The following SHPRH variants were observed in gnomAD, a reference collection of about 807,000 sequenced individuals.
The protein encoded by SHPRH is E3 ubiquitin-protein ligase SHPRH.
SHPRH carries 106 observed loss-of-function variants against 202.5 expected under a neutral mutation model. The ratio of observed to expected loss-of-function variants is 0.52; its 90% CI spans 0.45 to 0.62. The LOEUF is 0.62. Among genes scored for constraint, SHPRH ranks in the 20% least tolerant of loss-of-function variants. SHPRH has a pLI of 0.00. For synonymous variants in SHPRH, 729 were observed against 686.0 expected (o/e 1.06, Z -0.98); for missense variants, 1,710 against 2,020.0 (o/e 0.85, Z 2.94).
At chr6:145,908,639 G>A (rs935455361) in intron 25 of SHPRH, 1 of 151,936 alleles carries the variant, frequency 6.6e-6, no homozygotes, top group Non-Finnish European at 1.5e-5. Context: ...CACATTCCTT[G>A]TAAATTCTGG....
chr6:145,872,207 A>G (rs919376215), intron 2 of SHPRH, among the ~76,000 whole-genome samples: 5 of 152,336 alleles, frequency 3.3e-5, no homozygotes, highest in Middle Eastern at 3.4e-3. Context: ...GGTCTAATTA[A>G]ACTAAAGAGC....
chr6:145,950,391 C>T lies in SHPRH; in HGVS notation c.855G>A (p.Gln285=). 2 of 1,613,322 alleles carry T rather than the reference C, an allele frequency of 1.2e-6. No individual in the cohort carries two copies. The highest frequency in any genetic ancestry group is 2.2e-5 in the South Asian group (2 of 91,068). The part of the protein sequence containing the change: ...ELYHFVKQTH[Q]QETQSIQVDV... ...CCACTTGGATGGACTGCGTTTCTTG[C>T]TGATGTGTTTGTTTCACAAAGTGAT... Residue 285 remains glutamine (Q), a synonymous_variant, in exon 4 of 30, where the codon CAG becomes CAA. Transcript: ENST00000275233.
At chr6:145,949,776 C>T (rs896183093) in intron 4 of SHPRH, among the ~76,000 whole-genome samples, 1 of 152,042 alleles carries the variant, frequency 6.6e-6, no homozygotes, top group African/African-American at 2.4e-5. Flanking sequence ...AAAACTACTA[C>T]TTTCATAAAA....
At chr6:145,923,919 G>C (rs542395452) in intron 17 of SHPRH, 134 bp from the exon 18 acceptor site, 1 of 820,164 alleles carries the variant, frequency 1.2e-6, no homozygotes, top group Non-Finnish European at 1.8e-6. Context: ...TCACAGAGGG[G>C]AGACGAGTAT....
chr6:145,873,713 A>AAGGGAGGGAGGGAGGG (rs1200242419), intron 2 of SHPRH, among the ~76,000 whole-genome samples: 1 of 87,982 alleles, frequency 1.1e-5, no homozygotes, highest in Non-Finnish European at 2.2e-5. Flanking sequence ...GGAAGGAAGG[A>AAGGGAGGGAGGGAGGG]AGGGAGGGAG....
intron 14 of SHPRH, among the ~76,000 whole-genome samples, chr6:145,928,348 TAAAGTAAAA>T (rs533258659): frequency 4.6e-5 from 7 of 152,074 alleles, no homozygotes; most frequent in African/African-American, 9.6e-5. Context: ...TAAATACTAT[TAAAGTAAAA>T]ACCTAACACT....
intron 25 of SHPRH, among the ~76,000 whole-genome samples, chr6:145,896,978 C>A (rs1363903444): frequency 6.6e-6 from 1 of 151,502 alleles, no homozygotes; most frequent in Non-Finnish European, 1.5e-5. Flanking sequence ...TAATGTTGCA[C>A]CACAAGGAAC....
At chr6:145,933,006 C>A in intron 14 of SHPRH, 51 bp downstream of exon 14, 1 of 1,561,200 alleles carries the variant, frequency 6.4e-7, no homozygotes, top group Non-Finnish European at 8.7e-7. Context: ...TATAATTAAC[C>A]TTCCTCAGGA....
chr6:145,925,286 T>A (rs1784762572), intron 16 of SHPRH, among the ~76,000 whole-genome samples: 1 of 151,292 alleles, frequency 6.6e-6, no homozygotes, highest in Non-Finnish European at 1.5e-5. Flanking sequence ...TGAATTTTGT[T>A]TCCCCAAAAT....
At chr6:145,926,143 A>T (rs1164005441) in intron 16 of SHPRH, 61 bp downstream of exon 16, 1 of 1,352,468 alleles carries the variant, frequency 7.4e-7, no homozygotes, top group Non-Finnish European at 1.1e-6. Flanking sequence ...TATATCAACT[A>T]TATGGAGCAT....
In SHPRH at chr6:145,886,217, A is replaced by G. The variant is rs1780994605; in HGVS notation, c.*474T>C. 2.4e-6 allele frequency: 1 copy of G among 421,698 alleles called. No individual in the cohort carries two copies. The highest frequency in any genetic ancestry group is 3.7e-5 in the Admixed American group (1 of 26,818). 26.1% of individuals were successfully genotyped at this position (421,698 alleles called of 1,614,324 possible). On this transcript the variant is annotated 3_prime_UTR_variant, in exon 30 of 30. Transcript: ENST00000275233. ...AAGCCTACTCAAAAAATGGGTTAAT[A>G]TAATTCACCATCTACTTAAAATATT...
intron 25 of SHPRH, among the ~76,000 whole-genome samples, chr6:145,902,047 A>T (rs1441330338): frequency 6.6e-6 from 1 of 152,098 alleles, no homozygotes; most frequent in Non-Finnish European, 1.5e-5. Context: ...CAAGGCTGTT[A>T]TCTCTCCTGG....
At chr6:145,913,325 T>TCAC (rs758708976) in intron 24 of SHPRH, among the ~76,000 whole-genome samples, 153 bp downstream of exon 24, 1 of 152,250 alleles carries the variant, frequency 6.6e-6, no homozygotes, top group East Asian at 1.9e-4. Context: ...CCTAAGCACG[T>TCAC]CACCTAACCT....
At position 145,886,574 on chromosome 6, in the gene SHPRH, C is replaced by A; in HGVS notation, c.*117G>T. The stretch of plus-strand genomic sequence containing the variant: ...GTATAACCAGAACAATAAACAAATT[C>A]ATTCAACTAGGAACAGTGTTACTGT... On this transcript the variant is annotated 3_prime_UTR_variant, in exon 30 of 30. Coordinates refer to ENST00000275233, the MANE Select transcript of SHPRH (RefSeq NM_001042683.3). The A allele has an allele frequency of 3.3e-6, 5 of 1,503,438 alleles. No homozygotes were observed. The highest frequency in any genetic ancestry group is 1.3e-5 in the South Asian group (1 of 74,076). 93.1% of individuals were successfully genotyped at this position (1,503,438 alleles called of 1,614,324 possible).
chr6:145,862,449 A>C (rs10645747), downstream of SHPRH, among the ~76,000 whole-genome samples: 1,536 of 151,466 alleles, frequency 0.01, 20 homozygotes, highest in African/African-American at 0.035. Flanking sequence ...AAAAAAACAA[A>C]AACAACAACA....
rs946017885 is a variant in SHPRH, at chr6:145,924,990, C to T, written c.3295-144G>A. 11 of 489,080 alleles carry T rather than the reference C, an allele frequency of 2.2e-5. No homozygotes were observed. The Middle Eastern group carries it at 9.9e-4, about 44-fold the overall frequency. The allele number at this position is 489,080 out of a possible 1,614,324, so 30.3% of individuals were successfully genotyped here. A position where few individuals can be genotyped will look rare whatever the true frequency, so the allele number is the denominator to read the frequency against. ...AAAAGTCCAAGTATACTGTAGAGAA[C>T]ATAAAAGTCACGCTAAAAATTCCTT... On this transcript the variant is annotated intron_variant, in intron 16 of 29. Coordinates refer to ENST00000275233, the MANE Select transcript of SHPRH (RefSeq NM_001042683.3).
At position 145,943,236 on chromosome 6, in the gene SHPRH, T is replaced by C. The variant is rs1292885145; in HGVS notation, c.2145A>G (p.Thr715=). The C allele has an allele frequency of 5.6e-6, 9 of 1,613,882 alleles. No homozygotes were observed. Among genetic ancestry groups the C allele is most frequent in the Non-Finnish European group, 1.7e-6 (2 of 1,179,904 alleles). Residue 715 remains threonine, a synonymous_variant, in exon 9 of 30, where the codon ACA becomes ACG. Coordinates refer to ENST00000275233, the MANE Select transcript of SHPRH (RefSeq NM_001042683.3). The part of the protein sequence containing the change: ...HCLVAMEPVS[T]RATLIISPSS... Reference sequence around the variant, plus strand: ...TTGGAGAGATGATCAGAGTTGCTCTTGTTGACACTGGTTCCATTGCAACAA... The same window carrying C: ...TTGGAGAGATGATCAGAGTTGCTCTCGTTGACACTGGTTCCATTGCAACAA...
At position 145,935,029 on chromosome 6, in the gene SHPRH, A is replaced by G. The variant is rs1785917148; in HGVS notation, c.2868T>C (p.Ala956=). The G allele has an allele frequency of 1.2e-6, 2 of 1,613,946 alleles. No individual in the cohort carries two copies. The highest frequency in any genetic ancestry group is 4.5e-5 in the East Asian group (2 of 44,876). ...TTCTGTCTAGGCTGCTGAGCTTCAG[A>G]GCCCAGTCAGAAATCTTCCTGAGTT... The part of the protein sequence containing the change: ...VVKLRKISDW[A]LKLSSLDRRT... The change falls in exon 13 of 30, where the codon GCT becomes GCC. Residue 956 remains alanine, a synonymous_variant. Transcript: ENST00000275233.
At chr6:145,917,786 A>G (rs1057142410) in intron 23 of SHPRH, 8 of 169,152 alleles carry the variant, frequency 4.7e-5, no homozygotes. Context: ...AAATTACAAC[A>G]TATTTTTGTA....
Sources: allele counts gnomAD v4.1 joint callset (sites outside exome capture counted in the v4.1 genomes callset), GRCh38; gene constraint gnomAD v4.1.1; transcripts MANE v1.5; gene names NCBI Gene and HGNC (gene_info 2026-07-23, HGNC 2026-07-21).